The following SLC25A33 variants were observed in gnomAD, a reference collection of about 807,000 sequenced individuals.
The protein encoded by SLC25A33 is solute carrier family 25 member 33.
In SLC25A33, 15 loss-of-function variants were observed where a neutral mutation model predicts 35.5. That is an observed-to-expected ratio of 0.42 (90% CI 0.28 to 0.65). The LOEUF is 0.65. Ranked by LOEUF, SLC25A33 falls within the 30% of genes least tolerant of loss-of-function variation. SLC25A33 has a pLI of 0.20. For missense variants in SLC25A33, 257 were observed against 398.5 expected (o/e 0.64, Z 3.02); for synonymous variants, 136 against 148.7 (o/e 0.91, Z 0.62).
intron 2 of SLC25A33, among the ~76,000 whole-genome samples, chr1:9,563,258 C>G (rs992384888): frequency 6.6e-6 from 1 of 152,164 alleles, no homozygotes; most frequent in Non-Finnish European, 1.5e-5. Flanking sequence ...ATCATGCCAT[C>G]TGTGAATAGA....
intron 2 of SLC25A33, among the ~76,000 whole-genome samples, chr1:9,560,150 G>A (rs972000112): frequency 1.3e-5 from 2 of 151,934 alleles, no homozygotes; most frequent in East Asian, 3.8e-4. Context: ...TTCTCGGGAG[G>A]GTGAGGCAAG....
intron 1 of SLC25A33, among the ~76,000 whole-genome samples, chr1:9,551,918 T>C (rs918761820): frequency 6.6e-6 from 1 of 152,208 alleles, no homozygotes; most frequent in Non-Finnish European, 1.5e-5. Context: ...TGGGTGAGGA[T>C]GTGTCTATGG....
At chr1:9,546,596 C>T (rs1557523817) in intron 1 of SLC25A33, among the ~76,000 whole-genome samples, 1 of 152,180 alleles carries the variant, frequency 6.6e-6, no homozygotes, top group Non-Finnish European at 1.5e-5. Flanking sequence ...TTAAGACAAG[C>T]ATGAGTCCCA....
chr1:9,543,326 T>C (rs1324115446), intron 1 of SLC25A33, among the ~76,000 whole-genome samples: 1 of 152,036 alleles, frequency 6.6e-6, no homozygotes, highest in Non-Finnish European at 1.5e-5. Context: ...GTATTTTTAG[T>C]GGAGACGGGG....
At position 9,546,174 on chromosome 1, in the gene SLC25A33, ATTTTTTTTTTTTTT is replaced by A. The variant is rs746460317; in HGVS notation, c.56+6442_56+6455del. On this transcript the variant is annotated intron_variant, in intron 1 of 6. Transcript: ENST00000302692. ...TGTGAAGGGAATATCACACAGAGAA[ATTTTTTTTTTTTTT>A]TTTTTTTTTTTTTTGAAACGGAGTC... 7.0e-5 allele frequency among the ~76,000 whole-genome samples: 7 copies of A among 100,520 alleles called. No individual in the cohort carries two copies. The South Asian group carries it at 1.6e-3, about 23-fold the overall frequency. The allele number at this position is 100,520 out of a possible 152,430, so 65.9% of individuals were successfully genotyped here. A position where few individuals can be genotyped will look rare whatever the true frequency, so the allele number is the denominator to read the frequency against.
At chr1:9,572,686 T>A (rs1471980518) in intron 4 of SLC25A33, among the ~76,000 whole-genome samples, 1 of 151,994 alleles carries the variant, frequency 6.6e-6, no homozygotes, top group African/African-American at 2.4e-5. Flanking sequence ...ATAGAGGGTG[T>A]GAGGTATTAC....
chr1:9,565,410 G>T (rs1024970286), intron 2 of SLC25A33, among the ~76,000 whole-genome samples: 1 of 151,682 alleles, frequency 6.6e-6, no homozygotes, highest in African/African-American at 2.4e-5. Context: ...CAGCTACTTG[G>T]TAGGCTGAGG....
intron 5 of SLC25A33, among the ~76,000 whole-genome samples, chr1:9,575,659 A>T (rs1643653777): frequency 6.6e-6 from 1 of 152,120 alleles, no homozygotes; most frequent in South Asian, 2.1e-4. Flanking sequence ...GGAGTACCCC[A>T]GGAAGGGTAG....
In SLC25A33 at chr1:9,582,458, C is replaced by A; in HGVS notation, c.923C>A (p.Thr308Asn). Residue 308 changes from threonine to asparagine, a missense_variant, in exon 7 of 7, where the codon ACT becomes AAT. Transcript: ENST00000302692. The surrounding 1 kb of genome is among the most constrained non-coding windows in gnomAD (Gnocchi z 4.0). Reference protein sequence around the residue: ...QIPNTAIVLSTYELIVYLLED... With the variant: ...QIPNTAIVLSNYELIVYLLED... The stretch of plus-strand genomic sequence containing the variant: ...CCAAATACTGCCATTGTGTTGTCTA[C>A]TTATGAGTTAATTGTGTACCTGTTA... The A allele has an allele frequency of 6.2e-7, 1 of 1,613,866 alleles. No homozygotes were observed. Among genetic ancestry groups the A allele is most frequent in the Non-Finnish European group, 8.5e-7 (1 of 1,179,840 alleles).
chr1:9,549,952 C>G (rs1643239024), intron 1 of SLC25A33, among the ~76,000 whole-genome samples: 1 of 120,494 alleles, frequency 8.3e-6, no homozygotes, highest in Non-Finnish European at 1.7e-5. Context: ...ATATATGTAT[C>G]TTTATATATA....
At chr1:9,552,910 C>CTTTTTTTTT (rs58092940) in intron 1 of SLC25A33, among the ~76,000 whole-genome samples, 3 of 94,192 alleles carry the variant, frequency 3.2e-5, no homozygotes, top group Admixed American at 1.2e-4. Flanking sequence ...GGGATTTCAA[C>CTTTTTTTTT]TTTTTTTTTT....
At chr1:9,576,824 A>C (rs1643667402) in intron 5 of SLC25A33, 1 of 1,226,398 alleles carries the variant, frequency 8.2e-7, no homozygotes, top group Admixed American at 1.8e-5. Flanking sequence ...TCAGTATCTC[A>C]AGCCTAGAAA....
intron 2 of SLC25A33, among the ~76,000 whole-genome samples, chr1:9,564,160 G>A (rs1270392796): frequency 1.3e-5 from 2 of 152,286 alleles, no homozygotes; most frequent in East Asian, 1.9e-4. Context: ...TAACCAACGT[G>A]AATAACTGTG....
At position 9,553,534 on chromosome 1, in the gene SLC25A33, G is replaced by A. The variant is rs138993065; in HGVS notation, c.57-92G>A. 9.0e-3 allele frequency: 13,239 copies of A among 1,473,250 alleles called. 88 individuals carry two copies. Among genetic ancestry groups the A allele is most frequent in the Non-Finnish European group, 0.011 (11,819 of 1,077,394 alleles). The allele number at this position is 1,473,250 out of a possible 1,614,324, so 91.3% of individuals were successfully genotyped here. A position where few individuals can be genotyped will look rare whatever the true frequency, so the allele number is the denominator to read the frequency against. On this transcript the variant is annotated intron_variant, in intron 1 of 6. Coordinates refer to ENST00000302692, the MANE Select transcript of SLC25A33 (RefSeq NM_032315.3). ...AGGCGTGAGCCACCGCGCCCGGCAC[G>A]TTCTAGTTTTAAAGAGAGAAAAGCT... is the stretch of plus-strand genomic sequence containing the variant.
intron 2 of SLC25A33, among the ~76,000 whole-genome samples, chr1:9,561,471 A>G (rs1352913384): frequency 6.6e-6 from 1 of 151,898 alleles, no homozygotes; most frequent in Admixed American, 6.6e-5. Context: ...TGGGAAAATG[A>G]GTCTGGATCC....
chr1:9,573,430 C>G lies in SLC25A33; in HGVS notation c.482+18C>G. ...GAACAGAAGTAAGTTATTATTTGTT[C>G]CTTCCTTAATGAAAGGATTTTTGGG... is the stretch of plus-strand genomic sequence containing the variant. On this transcript the variant is annotated intron_variant, in intron 5 of 6. Transcript: ENST00000302692. 8.1e-6 allele frequency: 13 copies of G among 1,603,568 alleles called. No individual in the cohort carries two copies. Among genetic ancestry groups the G allele is most frequent in the Non-Finnish European group, 1.1e-5 (13 of 1,172,518 alleles).
intron 4 of SLC25A33, among the ~76,000 whole-genome samples, chr1:9,572,114 T>TA (rs1643598483): frequency 1.3e-5 from 2 of 152,218 alleles, no homozygotes; most frequent in African/African-American, 4.8e-5. Flanking sequence ...TAGAAAATCT[T>TA]AAAGTTGCTT....
At chr1:9,576,736 G>A (rs955257560) in intron 5 of SLC25A33, 39 of 834,352 alleles carry the variant, frequency 4.7e-5, no homozygotes, top group Admixed American at 9.2e-5. Flanking sequence ...CCAGGAGGAT[G>A]GGTCTCTTGT....
intron 1 of SLC25A33, 110 bp downstream of exon 1, chr1:9,539,857 C>A: frequency 9.9e-7 from 1 of 1,012,572 alleles, no homozygotes. Context: ...CCCCGGGCTA[C>A]GGCGCCGGCG....
Sources: allele counts gnomAD v4.1 joint callset (sites outside exome capture counted in the v4.1 genomes callset), GRCh38; gene constraint gnomAD v4.1.1; non-coding constraint Gnocchi (gnomAD v3.1); transcripts MANE v1.5; gene names NCBI Gene and HGNC (gene_info 2026-07-23, HGNC 2026-07-21).